The following KCNIP4 variants were observed in gnomAD, a reference collection of about 807,000 sequenced individuals.
KCNIP4 encodes the protein potassium voltage-gated channel interacting protein 4.
In KCNIP4, 12 loss-of-function variants were observed where a neutral mutation model predicts 34.0. The observed-to-expected ratio is 0.35, with a 90% CI of 0.23 to 0.57. The LOEUF (loss-of-function observed/expected upper bound fraction) is 0.57, where lower values mean the gene tolerates loss of function less well. KCNIP4 is among the 20% of genes least tolerant of loss of function. The pLI, the probability that KCNIP4 is intolerant of heterozygous loss-of-function variation, is 0.83. For missense variants in KCNIP4, 238 were observed against 311.7 expected, an observed-to-expected ratio of 0.76 and a Z score of 1.78; for synonymous variants, 124 against 102.2, an observed-to-expected ratio of 1.21 and a Z score of -1.29.
chr4:21,272,003 C>A (rs898111827), intron 1 of KCNIP4, among the ~76,000 whole-genome samples: 66 of 152,218 alleles, frequency 4.3e-4, no homozygotes, highest in Non-Finnish European at 7.5e-4. Context: ...TACTTAGAAA[C>A]TGTGAAATAT....
intron 1 of KCNIP4, among the ~76,000 whole-genome samples, chr4:21,466,221 C>G (rs940318638): frequency 6.6e-6 from 1 of 152,140 alleles, no homozygotes; most frequent in African/African-American, 2.4e-5. Context: ...TCTGCCCAGT[C>G]AAATTATGAA....
chr4:21,400,573 C>CA (rs1723463853), intron 1 of KCNIP4, among the ~76,000 whole-genome samples: 3 of 76,314 alleles, frequency 3.9e-5, no homozygotes, highest in African/African-American at 1.1e-4. Flanking sequence ...CTCTTCTCTT[C>CA]TCTTCGTTCT....
At chr4:21,903,117 A>G (rs556514016) in intron 1 of KCNIP4, among the ~76,000 whole-genome samples, 2 of 152,322 alleles carry the variant, frequency 1.3e-5, no homozygotes, top group East Asian at 3.9e-4. Flanking sequence ...ACTGCTAATA[A>G]AATGAAATTC....
chr4:20,747,377 T>C (rs1752608759), intron 5 of KCNIP4, among the ~76,000 whole-genome samples: 1 of 152,220 alleles, frequency 6.6e-6, no homozygotes, highest in Non-Finnish European at 1.5e-5. Flanking sequence ...CTTTGGCTTC[T>C]ATATTATAGA....
rs781650277 is a variant in KCNIP4 at position 21,612,043 on chromosome 4, C to T, written c.61+336528G>A. On this transcript the variant is annotated intron_variant, in intron 1 of 8. Coordinates refer to ENST00000382152, the MANE Select transcript of KCNIP4 (RefSeq NM_025221.6). Reference sequence around the variant, plus strand: ...TCCATTAGAGTGAAGACATAATTGTCTTTTTAATAACAATGCCTCAAAGTG... The same window carrying T: ...TCCATTAGAGTGAAGACATAATTGTTTTTTTAATAACAATGCCTCAAAGTG... Among the ~76,000 whole-genome samples the T allele has an allele frequency of 4.0e-4, 61 of 152,146 alleles. 1 individual carries two copies. The highest frequency in any genetic ancestry group is 3.1e-4 in the Non-Finnish European group (21 of 68,034).
In KCNIP4 at chr4:21,116,030, T is replaced by A. The variant is rs1008063652; in HGVS notation, c.62-233321A>T. On this transcript the variant is annotated intron_variant, in intron 1 of 8. Coordinates refer to ENST00000382152, the MANE Select transcript of KCNIP4 (RefSeq NM_025221.6). ...AGGCGATGGTTTCGGAATACTTCAC[T>A]TTCCTTTTCATTCCTTTTTCCCTCG... Among the ~76,000 whole-genome samples the A allele has an allele frequency of 5.6e-4, 86 of 152,326 alleles. 1 individual carries two copies. Among genetic ancestry groups the A allele is most frequent in the African/African-American group, 2.0e-3 (82 of 41,576 alleles).
chr4:21,667,530 T>C (rs780000370), intron 1 of KCNIP4, among the ~76,000 whole-genome samples: 35 of 152,304 alleles, frequency 2.3e-4, no homozygotes, highest in Non-Finnish European at 4.1e-4. Context: ...TGCTGTGAGA[T>C]TCCACTCAAA....
chr4:21,533,784 G>A (rs1227442478), intron 1 of KCNIP4, among the ~76,000 whole-genome samples: 2 of 152,078 alleles, frequency 1.3e-5, no homozygotes, highest in East Asian at 1.9e-4. Flanking sequence ...AAATGAATCT[G>A]GACCAATTCC....
At chr4:20,776,936 A>G (rs1439307352) in intron 3 of KCNIP4, among the ~76,000 whole-genome samples, 1 of 152,156 alleles carries the variant, frequency 6.6e-6, no homozygotes, top group Non-Finnish European at 1.5e-5. Context: ...GGCAAAAAAA[A>G]TGGATCTTCT....
intron 1 of KCNIP4, among the ~76,000 whole-genome samples, chr4:20,910,219 C>A (rs1239772972): frequency 6.6e-6 from 1 of 151,914 alleles, no homozygotes; most frequent in Admixed American, 6.6e-5. Context: ...ATCTAGCACT[C>A]AAAAGACTTA....
At position 20,871,985 on chromosome 4, in the gene KCNIP4, T is replaced by G. The variant is rs760188463; in HGVS notation, c.163+10623A>C. Among the ~76,000 whole-genome samples the G allele has an allele frequency of 2.0e-5, 3 of 152,274 alleles. No individual in the cohort carries two copies. In the East Asian group the frequency reaches 5.8e-4, roughly 29 times the overall value. ...AATTTACTGTCCAGACTCTGCTCCA[T>G]TTCTCCCATTAGAGTATAATCTTTC... On this transcript the variant is annotated intron_variant, in intron 2 of 8. Coordinates refer to ENST00000382152, the MANE Select transcript of KCNIP4 (RefSeq NM_025221.6).
chr4:21,829,053 T>TA (rs879359707), intron 1 of KCNIP4, among the ~76,000 whole-genome samples: 90 of 145,072 alleles, frequency 6.2e-4, no homozygotes, highest in Admixed American at 1.5e-3. Context: ...ATATTCTAAG[T>TA]AAAAAAAAAA....
At chr4:21,089,868 CTGGATAACCCTATACTGGT>C (rs1746830392) in intron 1 of KCNIP4, among the ~76,000 whole-genome samples, 1 of 152,218 alleles carries the variant, frequency 6.6e-6, no homozygotes, top group African/African-American at 2.4e-5. Flanking sequence ...AGCCTGATCT[CTGGATAACCCTATACTGGT>C]TGTCTATTCT....
At chr4:21,683,352 C>T (rs535221164) in intron 1 of KCNIP4, among the ~76,000 whole-genome samples, 12 of 149,060 alleles carry the variant, frequency 8.1e-5, no homozygotes, top group South Asian at 6.5e-4. Context: ...TCATGAAGGT[C>T]GGACTATCAT....
Position 21,810,461 on chromosome 4 carries a change from C to T in KCNIP4, c.61+138110G>A, listed in dbSNP as rs564656454. Among the ~76,000 whole-genome samples the T allele has an allele frequency of 3.3e-5, 5 of 152,036 alleles. No homozygotes were observed. The East Asian group carries it at 9.7e-4, about 30-fold the overall frequency. On this transcript the variant is annotated intron_variant, in intron 1 of 8. Transcript: ENST00000382152. ...ATCCCAGCACATTGGGAGGCTGAGA[C>T]GGGTGGATCACGAGGTCAGGAGATC...
intron 3 of KCNIP4, among the ~76,000 whole-genome samples, chr4:20,798,193 T>A (rs1713729827): frequency 6.6e-6 from 1 of 152,232 alleles, no homozygotes; most frequent in Admixed American, 6.5e-5. Context: ...CCTTAAAGAC[T>A]ATGTTATCAG....
chr4:21,114,210 T>C (rs1749496088), intron 1 of KCNIP4, among the ~76,000 whole-genome samples: 2 of 152,172 alleles, frequency 1.3e-5, no homozygotes, highest in South Asian at 4.1e-4. Flanking sequence ...ATTCTACAAA[T>C]CTTTGAGCCA....
chr4:20,831,668 AT>A (rs1560498490), intron 3 of KCNIP4, among the ~76,000 whole-genome samples: 1 of 152,218 alleles, frequency 6.6e-6, no homozygotes, highest in Non-Finnish European at 1.5e-5. Context: ...AATCAGTAAC[AT>A]TTATTAATGA....
intron 1 of KCNIP4, among the ~76,000 whole-genome samples, chr4:21,904,831 C>A (rs1469508254): frequency 6.6e-6 from 1 of 152,156 alleles, no homozygotes; most frequent in Non-Finnish European, 1.5e-5. Context: ...TCCCAAGTCA[C>A]AACAACCATA....
Sources: gnomAD v4.1 joint callset for allele counts (sites outside exome capture counted in the v4.1 genomes callset) on GRCh38, gnomAD v4.1.1 for gene constraint, MANE v1.5 for transcripts, NCBI Gene and HGNC (gene_info 2026-07-23, HGNC 2026-07-21) for gene names.